Variants in SF3B1 observed in about 807,000 individuals in gnomAD.
SF3B1 encodes splicing factor 3b subunit 1.
SF3B1 carries 12 observed loss-of-function variants against 153.8 expected under a neutral mutation model. That is an observed-to-expected ratio of 0.08 (90% confidence interval 0.05 to 0.13). The LOEUF (loss-of-function observed/expected upper bound fraction) is 0.13. Among genes scored for constraint, SF3B1 ranks in the 10% least tolerant of loss-of-function variants. The pLI is 1.00. For missense variants in SF3B1, 513 were observed against 1,606.1 expected (o/e 0.32, Z 11.63); for synonymous variants, 498 against 525.2 (o/e 0.95, Z 0.71).
chr2:197,432,686 A>G (rs988510228), intron 1 of SF3B1, among the ~76,000 whole-genome samples: 2 of 152,168 alleles, frequency 1.3e-5, no homozygotes, highest in African/African-American at 4.8e-5. Flanking sequence ...CCTGGCCAAC[A>G]TGGCGAAACC....
Position 197,418,503 on chromosome 2 carries a change from A to G in SF3B1, c.495+6T>C. ...AACCATTAAAACAGGAGACAGGTTT[A>G]CATACTTCTTCTTTAGTCAAGTGTT... On this transcript the variant is annotated splice_donor_region_variant and intron_variant, in intron 5 of 24. Transcript: ENST00000335508. 6.3e-7 allele frequency: 1 copy of G among 1,597,348 alleles called. No individual in the cohort carries two copies. Among genetic ancestry groups the G allele is most frequent in the Non-Finnish European group, 8.6e-7 (1 of 1,166,162 alleles).
chr2:197,403,821 G>A (rs1057215892), intron 11 of SF3B1, 57 bp from the exon 12 acceptor site: 2 of 1,281,908 alleles, frequency 1.6e-6, no homozygotes, highest in East Asian at 2.7e-5. Context: ...CATTTTGAAT[G>A]AGCAAATTAC....
At chr2:197,420,202 C>G (rs1559275276) in intron 4 of SF3B1, 4 of 448,166 alleles carry the variant, frequency 8.9e-6, no homozygotes, top group African/African-American at 2.0e-5. Flanking sequence ...GTTTCTATGG[C>G]ATTGGCTCAT....
At position 197,389,798 on chromosome 2, in the gene SF3B1, G is replaced by A. The variant is rs1020155575; in HGVS notation, c.*2505C>T. On this transcript the variant is annotated 3_prime_UTR_variant, in exon 25 of 25. Coordinates refer to ENST00000335508, the MANE Select transcript of SF3B1 (RefSeq NM_012433.4). ...TCTACTAAGACTTTAGATATAATAC[G>A]TTTTATTCATCTAGTGGTACTTGGT... 1.3e-5 allele frequency: 2 copies of A among 152,010 alleles called. No individual in the cohort carries two copies. The highest frequency in any genetic ancestry group is 2.4e-5 in the African/African-American group (1 of 41,388). The allele number at this position is 152,010 out of a possible 1,614,324, so 9.4% of individuals were successfully genotyped here. A position where few individuals can be genotyped will look rare whatever the true frequency, so the allele number is the denominator to read the frequency against.
chr2:197,428,821 GGA>G (rs2085376534), intron 1 of SF3B1, among the ~76,000 whole-genome samples: 1 of 152,200 alleles, frequency 6.6e-6, no homozygotes, highest in South Asian at 2.1e-4. Flanking sequence ...CTTGAACCTG[GGA>G]GGTGGAGGTT....
intron 20 of SF3B1, chr2:197,398,815 TACTC>T (rs754399206): frequency 1.9e-6 from 1 of 522,502 alleles, no homozygotes; most frequent in Non-Finnish European, 3.5e-6. Context: ...GGATGATGGA[TACTC>T]AATAACAAAA....
Position 197,400,560 on chromosome 2 carries a change from A to G in SF3B1, c.2719-126T>C. ...TGCTGTTTTTTTACATCAAATCTTA[A>G]AACTTGAGGTAGAATAATATCGTTT... On this transcript the variant is annotated intron_variant, in intron 18 of 24. Transcript: ENST00000335508. The surrounding 1 kb of genome is among the most constrained non-coding windows in gnomAD (Gnocchi z 5.0). 1 of 1,039,816 alleles carries G rather than the reference A, an allele frequency of 9.6e-7. No homozygotes were observed. The highest frequency in any genetic ancestry group is 2.6e-5 in the East Asian group (1 of 39,050). 64.4% of individuals were successfully genotyped at this position (1,039,816 alleles called of 1,614,324 possible).
At chr2:197,421,463 A>T (rs1046722541) in intron 2 of SF3B1, among the ~76,000 whole-genome samples, 4 of 152,236 alleles carry the variant, frequency 2.6e-5, no homozygotes, top group Non-Finnish European at 5.9e-5. Context: ...TGATAACTAC[A>T]GCTTATTTTA....
Position 197,409,961 on chromosome 2 carries a change from C to T in SF3B1, c.713G>A (p.Arg238His), listed in dbSNP as rs377192403. The change falls in exon 7 of 25, where the codon CGT becomes CAT. Residue 238 changes from arginine (R) to histidine (H), a missense_variant. Arg to His is a conservative substitution (Grantham distance 29). Coordinates refer to ENST00000335508, the MANE Select transcript of SF3B1 (RefSeq NM_012433.4). The part of the protein sequence containing the change: ...PSLRWDETPG[R>H]AKGSETPGAT... ...TCCAGGAGTCTCGCTTCCCTTTGCA[C>T]GACCTGGTGTCTCATCCCATCTTAA... The T allele has an allele frequency of 4.3e-5, 69 of 1,614,110 alleles. No homozygotes were observed. The highest frequency in any genetic ancestry group is 5.3e-5 in the Non-Finnish European group (63 of 1,180,014).
At position 197,415,839 on chromosome 2, in the gene SF3B1, C is replaced by CA. The variant is rs2085139381; in HGVS notation, c.666+901dup. ...TTTTTGAGACAGGGTCTTACTCTGTCACCAGGCTGGAATGCAGCGGCATGA... is the reference window on the plus strand; with the variant it reads ...TTTTTGAGACAGGGTCTTACTCTGTCAACCAGGCTGGAATGCAGCGGCATGA... On this transcript the variant is annotated intron_variant, in intron 6 of 24. Transcript: ENST00000335508. Among the ~76,000 whole-genome samples, 6 of 152,216 alleles carry CA rather than the reference C, an allele frequency of 3.9e-5. No individual in the cohort carries two copies. The South Asian group carries it at 1.2e-3, about 32-fold the overall frequency.
intron 9 of SF3B1, among the ~76,000 whole-genome samples, chr2:197,406,760 T>C (rs1224714296): frequency 1.3e-5 from 2 of 152,108 alleles, no homozygotes; most frequent in African/African-American, 2.4e-5. Context: ...TCATGCAAAC[T>C]TGAAACAAAT....
At chr2:197,414,140 G>A (rs1240058007) in intron 6 of SF3B1, among the ~76,000 whole-genome samples, 3 of 152,130 alleles carry the variant, frequency 2.0e-5, no homozygotes, top group Non-Finnish European at 4.4e-5. Flanking sequence ...ACAGACACAG[G>A]AAAGACCAGG....
Position 197,392,966 on chromosome 2 carries a change from A to C in SF3B1, c.3756+6T>G. 6.4e-7 allele frequency: 1 copy of C among 1,560,174 alleles called. No individual in the cohort carries two copies. The highest frequency in any genetic ancestry group is 8.7e-7 in the Non-Finnish European group (1 of 1,143,716). Reference sequence around the variant, plus strand: ...TCACCGATTAAAAAAAAAATCTTTAACTTACCTGTAAACAATATTGCAACA... The same window carrying C: ...TCACCGATTAAAAAAAAAATCTTTACCTTACCTGTAAACAATATTGCAACA... On this transcript the variant is annotated splice_donor_region_variant and intron_variant, in intron 24 of 24. Coordinates refer to ENST00000335508, the MANE Select transcript of SF3B1 (RefSeq NM_012433.4).
intron 7 of SF3B1, among the ~76,000 whole-genome samples, chr2:197,408,981 CA>C (rs988234919): frequency 6.6e-6 from 1 of 152,244 alleles, no homozygotes; most frequent in Non-Finnish European, 1.5e-5. Context: ...TAATAAAAAA[CA>C]AAGGGTAAGT....
At chr2:197,392,488 T>C (rs1392073398) in intron 24 of SF3B1, 27 bp from the exon 25 acceptor site, 1 of 1,104,424 alleles carries the variant, frequency 9.1e-7, no homozygotes, top group Non-Finnish European at 1.3e-6. Flanking sequence ...GTTACATTAT[T>C]TCAATTTTTA....
At chr2:197,428,312 C>T (rs971674795) in intron 1 of SF3B1, among the ~76,000 whole-genome samples, 1 of 151,906 alleles carries the variant, frequency 6.6e-6, no homozygotes, top group African/African-American at 2.4e-5. Flanking sequence ...TAGAGCCAGG[C>T]CTTGCCTCTA....
chr2:197,432,051 G>A (rs2085447961), intron 1 of SF3B1, among the ~76,000 whole-genome samples: 1 of 152,182 alleles, frequency 6.6e-6, no homozygotes, highest in Non-Finnish European at 1.5e-5. Flanking sequence ...CTTGAGCCCA[G>A]CAGTTGTAGG....
chr2:197,397,030 A>G (rs2084882860), intron 22 of SF3B1, among the ~76,000 whole-genome samples: 1 of 152,206 alleles, frequency 6.6e-6, no homozygotes. Flanking sequence ...CTTAAGCCAC[A>G]TGGACATGTG....
intron 3 of SF3B1, 83 bp from the exon 4 acceptor site, chr2:197,420,625 A>G: frequency 2.4e-6 from 2 of 836,822 alleles, no homozygotes; most frequent in Non-Finnish European, 3.8e-6. Flanking sequence ...AGAACACCAT[A>G]AAGCACAAAT....
Sources: gnomAD v4.1 joint callset for allele counts (sites outside exome capture counted in the v4.1 genomes callset) on GRCh38, gnomAD v4.1.1 for gene constraint, Gnocchi (gnomAD v3.1) non-coding constraint, MANE v1.5 for transcripts, NCBI Gene and HGNC (gene_info 2026-07-23, HGNC 2026-07-21) for gene names.